The following GNAO1 variants were observed in gnomAD, a reference collection of about 807,000 sequenced individuals.
GNAO1 encodes the protein guanine nucleotide-binding protein G(o) subunit alpha.
For synonymous variants in GNAO1, 164 were observed against 180.7 expected, an observed-to-expected ratio of 0.91 and a Z score of 0.74; for missense variants, 166 against 478.7, an observed-to-expected ratio of 0.35 and a Z score of 6.10.
At chr16:56,229,932 G>A (rs2036572406) in intron 2 of GNAO1, among the ~76,000 whole-genome samples, 1 of 152,128 alleles carries the variant, frequency 6.6e-6, no homozygotes, top group African/African-American at 2.4e-5. Context: ...GTGTGCCCAG[G>A]AGAGTCGAAG....
intron 3 of GNAO1, among the ~76,000 whole-genome samples, chr16:56,283,289 C>A (rs145234591): frequency 4.0e-4 from 61 of 152,258 alleles, no homozygotes; most frequent in African/African-American, 1.3e-3. Flanking sequence ...TAACAGGGGG[C>A]TCCCTGCTCT....
chr16:56,230,555 A>G (rs2036580248), intron 2 of GNAO1, among the ~76,000 whole-genome samples: 2 of 152,154 alleles, frequency 1.3e-5, no homozygotes, highest in Admixed American at 6.5e-5. Context: ...AATAGCCTTT[A>G]TGGTTTGTTG....
At chr16:56,211,081 A>G (rs1454070848) in intron 2 of GNAO1, among the ~76,000 whole-genome samples, 2 of 152,208 alleles carry the variant, frequency 1.3e-5, no homozygotes, top group Admixed American at 1.3e-4. Flanking sequence ...AGCAAGCATG[A>G]ATGTGGTCCT....
intron 2 of GNAO1, among the ~76,000 whole-genome samples, chr16:56,242,498 A>T (rs1240609419): frequency 1.3e-5 from 2 of 152,230 alleles, no homozygotes; most frequent in Non-Finnish European, 2.9e-5. Flanking sequence ...TAGAATTGAG[A>T]GTCCAGGAAT....
chr16:56,219,736 A>G (rs2036467072), intron 2 of GNAO1, among the ~76,000 whole-genome samples: 1 of 151,836 alleles, frequency 6.6e-6, no homozygotes, highest in African/African-American at 2.4e-5. Flanking sequence ...TGGCTCCTTC[A>G]TGGCTCTGAC....
intron 6 of GNAO1, chr16:56,347,542 C>G: frequency 3.0e-6 from 3 of 985,688 alleles, no homozygotes; most frequent in Non-Finnish European, 3.6e-6. Flanking sequence ...ATGAAGGCCC[C>G]TGTCAAAGAA....
chr16:56,309,345 G>A (rs1386698513), intron 3 of GNAO1, among the ~76,000 whole-genome samples: 1 of 152,196 alleles, frequency 6.6e-6, no homozygotes, highest in Non-Finnish European at 1.5e-5. Context: ...TTTAGAGATG[G>A]GGAGAGATGA....
At chr16:56,296,656 C>T (rs1428834984) in intron 3 of GNAO1, among the ~76,000 whole-genome samples, 2 of 152,172 alleles carry the variant, frequency 1.3e-5, no homozygotes, top group African/African-American at 4.8e-5. Context: ...CAGGACTGGC[C>T]TTCAAACAGT....
At chr16:56,315,180 C>A (rs1222216311) in intron 3 of GNAO1, among the ~76,000 whole-genome samples, 1 of 152,194 alleles carries the variant, frequency 6.6e-6, no homozygotes, top group Non-Finnish European at 1.5e-5. Flanking sequence ...GCTGCATCTT[C>A]CATCTTTTCT....
At chr16:56,286,731 G>GTA (rs773842748) in intron 3 of GNAO1, among the ~76,000 whole-genome samples, 1 of 128,604 alleles carries the variant, frequency 7.8e-6, no homozygotes, top group Non-Finnish European at 1.7e-5. Flanking sequence ...GTGTGTGTGT[G>GTA]TATGTGTGTA....
chr16:56,194,766 C>G (rs1470366090), intron 2 of GNAO1, among the ~76,000 whole-genome samples: 3 of 152,172 alleles, frequency 2.0e-5, no homozygotes, highest in South Asian at 4.1e-4. Flanking sequence ...CTGAACATGC[C>G]CCATAAATTA....
intron 3 of GNAO1, among the ~76,000 whole-genome samples, chr16:56,288,102 T>TC (rs2143551199): frequency 6.6e-6 from 1 of 152,108 alleles, no homozygotes; most frequent in East Asian, 1.9e-4. Flanking sequence ...GTCTTCTTTC[T>TC]CCCCCTGGAT....
chr16:56,209,469 A>G (rs539620638), intron 2 of GNAO1, among the ~76,000 whole-genome samples: 4 of 152,294 alleles, frequency 2.6e-5, no homozygotes, highest in African/African-American at 9.6e-5. Context: ...AAATGTTAGA[A>G]TCAGTTTTTG....
chr16:56,347,146 T>C (rs1465843290), intron 6 of GNAO1: 1 of 985,452 alleles, frequency 1.0e-6, no homozygotes, highest in Non-Finnish European at 1.2e-6. Context: ...CCAAGTCAGC[T>C]AGTGGCCTGC....
At chr16:56,336,540 A>C in intron 5 of GNAO1, 191 bp from the exon 6 acceptor site, 1 of 558,696 alleles carries the variant, frequency 1.8e-6, no homozygotes, top group Non-Finnish European at 3.2e-6. Context: ...CTCCAGGGGT[A>C]GTGCCTGGGG....
At chr16:56,210,490 A>G (rs2036375792) in intron 2 of GNAO1, among the ~76,000 whole-genome samples, 1 of 152,240 alleles carries the variant, frequency 6.6e-6, no homozygotes, top group South Asian at 2.1e-4. Flanking sequence ...GAAACTGCCA[A>G]ATTGTCTTCC....
At chr16:56,266,162 C>T (rs1212718576) in intron 2 of GNAO1, among the ~76,000 whole-genome samples, 2 of 152,198 alleles carry the variant, frequency 1.3e-5, no homozygotes, top group Non-Finnish European at 2.9e-5. Flanking sequence ...AGCTGTGAGT[C>T]CTTTGAAGGC....
intron 8 of GNAO1, chr16:56,355,335 A>G (rs1471914020): frequency 6.5e-6 from 1 of 154,778 alleles, no homozygotes; most frequent in Non-Finnish European, 1.4e-5. Flanking sequence ...GCACGTGAGC[A>G]TGCACGTGTG....
intron 2 of GNAO1, among the ~76,000 whole-genome samples, chr16:56,256,716 C>CTGTG (rs1418939057): frequency 2.7e-3 from 241 of 90,312 alleles, no homozygotes; most frequent in Middle Eastern, 0.02. Context: ...CTCTCTCTCT[C>CTGTG]TCTGTGTGTG....
Sources: gnomAD v4.1 joint callset for allele counts (sites outside exome capture counted in the v4.1 genomes callset) on GRCh38, gnomAD v4.1.1 for gene constraint, MANE v1.5 for transcripts, NCBI Gene and HGNC (gene_info 2026-07-23, HGNC 2026-07-21) for gene names.